PGLYRP3: variants seen among roughly 807,000 people sequenced by gnomAD.
PGLYRP3 encodes peptidoglycan recognition protein 3, also known as peptidoglycan recognition protein I alpha.
PGLYRP3 carries 39 observed loss-of-function variants against 36.0 expected under a neutral mutation model. The ratio of observed to expected loss-of-function variants is 1.08; its 90% CI spans 0.84 to 1.41. PGLYRP3 has a LOEUF of 1.41. Ranked by LOEUF, PGLYRP3 falls within the 40% of genes most tolerant of loss-of-function variation. The pLI is 0.00. For missense variants in PGLYRP3, 407 were observed against 427.9 expected (o/e 0.95, Z 0.43); for synonymous variants, 204 against 172.8 (o/e 1.18, Z -1.42).
intron 3 of PGLYRP3, among the ~76,000 whole-genome samples, 181 bp from the exon 4 acceptor site, chr1:153,305,246 A>G (rs1489857889): frequency 6.6e-6 from 1 of 152,176 alleles, no homozygotes; most frequent in Non-Finnish European, 1.5e-5. Flanking sequence ...ATATATTTTA[A>G]TTTTTGTTGG....
In PGLYRP3 at chr1:153,307,219, G is replaced by A; in HGVS notation, c.104C>T (p.Ala35Val). The A allele has an allele frequency of 1.2e-6, 2 of 1,611,302 alleles. No homozygotes were observed. The highest frequency in any genetic ancestry group is 8.5e-7 in the Non-Finnish European group (1 of 1,178,958). The change falls in exon 3 of 8, where the codon GCC (alanine) becomes GTC (valine). Residue 35 changes from alanine (A) to valine (V), a missense_variant. Transcript: ENST00000683862. ...SRKEWGARPL[A>V]CRALLTLPVA... ...AGGCAGGGTCAGCAGGGCCCTGCAG[G>A]CGAGCGGTCTTGCCCCCCACTCCTT...
chr1:153,307,990 T>TTC (rs929216090), intron 2 of PGLYRP3, among the ~76,000 whole-genome samples: 7 of 123,614 alleles, frequency 5.7e-5, no homozygotes, highest in South Asian at 2.4e-4. Flanking sequence ...TTTTTTCTCC[T>TTC]TCTCTCTCTC....
intron 6 of PGLYRP3, among the ~76,000 whole-genome samples, chr1:153,301,870 A>T (rs951165433): frequency 3.3e-5 from 5 of 152,248 alleles, no homozygotes; most frequent in Admixed American, 2.6e-4. Context: ...AAGGTACCAA[A>T]AGAAAATGTT....
rs1659485702 is a variant in PGLYRP3, at chr1:153,298,055, T to C, written c.927A>G (p.Pro309=). The change falls in exon 8 of 8, where the codon CCA becomes CCG. Residue 309 remains proline (P), a synonymous_variant. Transcript: ENST00000683862. ...CACTGTGGCCCATCAGCAGGTAGTT[T>C]GGAGTCAGGTACCCCTCAACCACGG... is the stretch of plus-strand genomic sequence containing the variant. ...QCAVVEGYLT[P]NYLLMGHSDV... is the part of the protein sequence containing the mutation. 6.2e-7 allele frequency: 1 copy of C among 1,614,056 alleles called. No individual in the cohort carries two copies. The highest frequency in any genetic ancestry group is 8.5e-7 in the Non-Finnish European group (1 of 1,180,000).
At chr1:153,306,823 G>C (rs371798009) in intron 3 of PGLYRP3, among the ~76,000 whole-genome samples, 1 of 152,152 alleles carries the variant, frequency 6.6e-6, no homozygotes, top group Admixed American at 6.5e-5. Flanking sequence ...CAGTTGTTAC[G>C]TAACCTTCCT....
At chr1:153,298,249 T>C in intron 7 of PGLYRP3, 115 bp from the exon 8 acceptor site, 1 of 1,138,332 alleles carries the variant, frequency 8.8e-7, no homozygotes, top group Non-Finnish European at 1.3e-6. Context: ...CATTCCGCCA[T>C]CACCATAGCC....
Position 153,303,891 on chromosome 1 carries a change from G to T in PGLYRP3, c.495C>A (p.Cys165Ter). The change falls in exon 5 of 8, where the codon TGC becomes TGA. Residue 165 changes from cysteine to a stop codon, truncating the protein, a stop_gained. Transcript: ENST00000683862. LOFTEE classifies it high-confidence loss of function. ...GCATCACTGGATGTTGAGGGTCCAGGCAGGTCTCTTCTTTCAGAAGAAGTG... is the reference window on the plus strand; with the variant it reads ...GCATCACTGGATGTTGAGGGTCCAGTCAGGTCTCTTCTTTCAGAAGAAGTG... ...IQPLLLKEET[C>*]LDPQHPVMPR... 6.2e-7 allele frequency: 1 copy of T among 1,613,832 alleles called. No homozygotes were observed.
Position 153,297,532 on chromosome 1 carries a change from A to G in PGLYRP3, c.*424T>C, listed in dbSNP as rs1400766548. Among the ~76,000 whole-genome samples the G allele has an allele frequency of 4.5e-5, 4 of 88,310 alleles. No individual in the cohort carries two copies. Among genetic ancestry groups the G allele is most frequent in the Non-Finnish European group, 1.0e-4 (4 of 38,794 alleles). 57.9% of individuals were successfully genotyped at this position (88,310 alleles called of 152,430 possible). On this transcript the variant is annotated 3_prime_UTR_variant, in exon 8 of 8. Transcript: ENST00000683862. ...GAAGGAAGGAAGGAAGGAAGGAAGG[A>G]AGGAAGGAAGGAAGGAAGGAAAGAA...
Position 153,302,524 on chromosome 1 carries a change from T to C in PGLYRP3, c.613A>G (p.Ile205Val), listed in dbSNP as rs377131280. 2.5e-6 allele frequency: 4 copies of C among 1,614,194 alleles called. No individual in the cohort carries two copies. Among genetic ancestry groups the C allele is most frequent in the Non-Finnish European group, 1.7e-6 (2 of 1,180,024 alleles). ...PKMNLPAKYV[I>V]IIHTAGTSCT... ...CTTGTGCCAGCGGTGTGGATGATGA[T>C]GACATATTTGGCTGGGAGGTTCATT... Residue 205 changes from isoleucine (I) to valine (V), a missense_variant, in exon 6 of 8, where the codon ATC becomes GTC. By Grantham distance (29) the Ile-to-Val change is conservative. Transcript: ENST00000683862.
At chr1:153,306,395 G>A (rs1308441279) in intron 3 of PGLYRP3, among the ~76,000 whole-genome samples, 1 of 152,216 alleles carries the variant, frequency 6.6e-6, no homozygotes, top group Non-Finnish European at 1.5e-5. Context: ...GATCCCCAGA[G>A]CAGAAACTCA....
chr1:153,310,730 C>T, intron 1 of PGLYRP3, 24 bp from the exon 2 acceptor site: 1 of 1,417,968 alleles, frequency 7.1e-7, no homozygotes, highest in East Asian at 2.3e-5. Context: ...TAACAGTTAA[C>T]ACAACCATGC....
intron 1 of PGLYRP3, among the ~76,000 whole-genome samples, chr1:153,311,927 G>A (rs1248395715): frequency 6.6e-6 from 1 of 152,186 alleles, no homozygotes; most frequent in East Asian, 1.9e-4. Context: ...TTACAAATGA[G>A]GCAGGCACCT....
intron 1 of PGLYRP3, 31 bp from the exon 2 acceptor site, chr1:153,310,737 A>C: frequency 1.5e-6 from 2 of 1,353,890 alleles, no homozygotes; most frequent in Non-Finnish European, 2.1e-6. Context: ...TAACACAACC[A>C]TGCTAACTCT....
intron 5 of PGLYRP3, 124 bp from the exon 6 acceptor site, chr1:153,302,731 T>C (rs1206913927): frequency 2.4e-6 from 2 of 849,826 alleles, no homozygotes; most frequent in East Asian, 5.1e-5. Context: ...GGGCACATCC[T>C]AATGTAATAT....
chr1:153,300,334 C>A (rs1393188817), intron 6 of PGLYRP3, among the ~76,000 whole-genome samples: 11 of 152,192 alleles, frequency 7.2e-5, no homozygotes. Flanking sequence ...CCCAATCACC[C>A]CCCACAAAGC....
At chr1:153,302,290 G>C in intron 6 of PGLYRP3, 119 bp downstream of exon 6, 1 of 1,072,620 alleles carries the variant, frequency 9.3e-7, no homozygotes, top group Non-Finnish European at 1.4e-6. Flanking sequence ...AAAATATGAT[G>C]CCTTATGGAA....
At chr1:153,306,060 G>C (rs756249991) in intron 3 of PGLYRP3, among the ~76,000 whole-genome samples, 3 of 152,246 alleles carry the variant, frequency 2.0e-5, no homozygotes, top group Admixed American at 6.5e-5. Context: ...GGATGGTGGA[G>C]GTGCTGGTGG....
chr1:153,301,964 G>C (rs1211180106), intron 6 of PGLYRP3, among the ~76,000 whole-genome samples: 1 of 152,178 alleles, frequency 6.6e-6, no homozygotes, highest in African/African-American at 2.4e-5. Context: ...GAGGTTAAAA[G>C]TTCCTACATC....
chr1:153,304,804 G>A, intron 4 of PGLYRP3, 143 bp downstream of exon 4: 1 of 616,900 alleles, frequency 1.6e-6, no homozygotes, highest in East Asian at 2.9e-5. Context: ...AGGATCCAAA[G>A]GAGAAAAGAA....
Sources: gnomAD v4.1 joint callset for allele counts (sites outside exome capture counted in the v4.1 genomes callset) on GRCh38, gnomAD v4.1.1 for gene constraint, MANE v1.5 for transcripts, NCBI Gene and HGNC (gene_info 2026-07-23, HGNC 2026-07-21) for gene names.